SLC4A10: variants seen among roughly 807,000 people sequenced by gnomAD.
The protein encoded by SLC4A10 is solute carrier family 4 member 10.
A neutral mutation model predicts 137.7 loss-of-function variants in SLC4A10; 42 were observed. The observed-to-expected ratio is 0.30, with a 90% CI of 0.24 to 0.39. The LOEUF is 0.39. SLC4A10 is among the 10% of genes least tolerant of loss of function. The pLI is 1.00. For synonymous variants in SLC4A10, 474 were observed against 464.1 expected (o/e 1.02, Z -0.27); for missense variants, 925 against 1,355.0 (o/e 0.68, Z 4.98).
At chr2:161,928,541 G>C (rs1224844339) in intron 15 of SLC4A10, among the ~76,000 whole-genome samples, 2 of 143,390 alleles carry the variant, frequency 1.4e-5, no homozygotes, top group African/African-American at 5.1e-5. Context: ...AATAAAAAAA[G>C]TATAATATAT....
At chr2:161,976,562 T>C (rs1699409165) in intron 24 of SLC4A10, among the ~76,000 whole-genome samples, 198 bp from the exon 25 acceptor site, 1 of 152,242 alleles carries the variant, frequency 6.6e-6, no homozygotes, top group African/African-American at 2.4e-5. Context: ...ATTATGAATG[T>C]ATTTAGTAAC....
intron 1 of SLC4A10, among the ~76,000 whole-genome samples, chr2:161,730,129 G>A (rs2046670889): frequency 6.6e-6 from 1 of 152,180 alleles, no homozygotes; most frequent in East Asian, 1.9e-4. Flanking sequence ...ATTAACAGCT[G>A]ATAATTTAAT....
At chr2:161,901,711 C>G (rs1054135713) in intron 12 of SLC4A10, among the ~76,000 whole-genome samples, 2 of 152,028 alleles carry the variant, frequency 1.3e-5, no homozygotes, top group Non-Finnish European at 2.9e-5. Flanking sequence ...GCAATGTGTC[C>G]TCTAAGCTGA....
chr2:161,734,917 G>A (rs1342812915), intron 1 of SLC4A10, among the ~76,000 whole-genome samples: 1 of 151,984 alleles, frequency 6.6e-6, no homozygotes, highest in African/African-American at 2.4e-5. Flanking sequence ...TCATGATAGT[G>A]AGGGAGTTCT....
intron 1 of SLC4A10, among the ~76,000 whole-genome samples, chr2:161,707,049 G>A (rs546278542): frequency 2.6e-5 from 4 of 151,656 alleles, no homozygotes; most frequent in African/African-American, 9.6e-5. Context: ...GAGAGACGAT[G>A]TAGCTTAGGA....
chr2:161,881,968 C>T (rs141686513), intron 9 of SLC4A10, among the ~76,000 whole-genome samples: 2,235 of 151,900 alleles, frequency 0.015, 26 homozygotes, highest in Non-Finnish European at 0.023. Context: ...TTGAACTATT[C>T]GCCATTTTGC....
intron 15 of SLC4A10, among the ~76,000 whole-genome samples, chr2:161,940,566 A>G (rs1575753070): frequency 6.6e-6 from 1 of 152,294 alleles, no homozygotes; most frequent in Middle Eastern, 3.4e-3. Flanking sequence ...CGCGTCAGAG[A>G]TTTTCCCCAG....
intron 15 of SLC4A10, among the ~76,000 whole-genome samples, chr2:161,939,869 G>C (rs944795105): frequency 6.6e-6 from 1 of 152,012 alleles, no homozygotes; most frequent in Non-Finnish European, 1.5e-5. Context: ...AACTGTGTAA[G>C]TATTATTTAC....
chr2:161,751,536 C>T (rs1306659235), intron 1 of SLC4A10, among the ~76,000 whole-genome samples: 1 of 151,564 alleles, frequency 6.6e-6, no homozygotes, highest in African/African-American at 2.4e-5. Flanking sequence ...CTTTTATTCT[C>T]CCCTTGATTA....
chr2:161,663,723 T>C (rs1251043907), intron 1 of SLC4A10, among the ~76,000 whole-genome samples: 2 of 152,106 alleles, frequency 1.3e-5, no homozygotes, highest in Non-Finnish European at 2.9e-5. Context: ...TGCAGGGTAT[T>C]ACAAACTTGG....
At chr2:161,682,558 T>C (rs1390595964) in intron 1 of SLC4A10, among the ~76,000 whole-genome samples, 2 of 152,160 alleles carry the variant, frequency 1.3e-5, no homozygotes, top group African/African-American at 2.4e-5. Context: ...TATCTATTGC[T>C]GTATGACACA....
At position 161,797,487 on chromosome 2, in the gene SLC4A10, T is replaced by C. The variant is rs115587326; in HGVS notation, c.131-6962T>C. ...TAATGCTTTTAATGTGTATTTTTAATTTGTATTGTTTGCTGCTGTTTTCAT... is the reference window on the plus strand; with the variant it reads ...TAATGCTTTTAATGTGTATTTTTAACTTGTATTGTTTGCTGCTGTTTTCAT... On this transcript the variant is annotated intron_variant, in intron 2 of 26. Transcript: ENST00000446997. Among the ~76,000 whole-genome samples, 862 of 152,158 alleles carry C rather than the reference T, an allele frequency of 5.7e-3. 10 individuals carry two copies. The highest frequency in any genetic ancestry group is 0.02 in the African/African-American group (825 of 41,542).
chr2:161,802,495 A>G (rs901023462), intron 2 of SLC4A10, among the ~76,000 whole-genome samples: 2 of 152,130 alleles, frequency 1.3e-5, no homozygotes, highest in Non-Finnish European at 2.9e-5. Context: ...AAACACTATC[A>G]GCCTAAGTGT....
At chr2:161,791,564 C>T (rs959287145) in intron 2 of SLC4A10, among the ~76,000 whole-genome samples, 4 of 152,082 alleles carry the variant, frequency 2.6e-5, no homozygotes, top group East Asian at 1.9e-4. Context: ...AGCAAACCAC[C>T]GTGGTACACA....
chr2:161,760,083 A>T lies in SLC4A10; in HGVS notation c.49-10890A>T, dbSNP rs2050096289. Among the ~76,000 whole-genome samples, 3 of 151,884 alleles carry T rather than the reference A, an allele frequency of 2.0e-5. No homozygotes were observed. In the South Asian group the frequency reaches 6.2e-4, roughly 31 times the overall value. On this transcript the variant is annotated intron_variant, in intron 1 of 26. Transcript: ENST00000446997. ...TGAATTTTCTTTCACTTTTCTTGTT[A>T]TGATTCCTGAATCTGAGGATTCATG...
At chr2:161,796,981 A>G (rs1017555695) in intron 2 of SLC4A10, among the ~76,000 whole-genome samples, 4 of 152,128 alleles carry the variant, frequency 2.6e-5, no homozygotes, top group Non-Finnish European at 5.9e-5. Flanking sequence ...TCTGTTCAGA[A>G]TTTATAATTT....
At chr2:161,690,258 C>A (rs747707138) in intron 1 of SLC4A10, among the ~76,000 whole-genome samples, 24 of 152,078 alleles carry the variant, frequency 1.6e-4, no homozygotes, top group Admixed American at 1.4e-3. Context: ...CCATCTCATG[C>A]CAGTCAGAAT....
At chr2:161,656,104 G>A (rs1014671152) in intron 1 of SLC4A10, among the ~76,000 whole-genome samples, 1 of 152,020 alleles carries the variant, frequency 6.6e-6, no homozygotes, top group Non-Finnish European at 1.5e-5. Flanking sequence ...GAGCCACCAG[G>A]CCCAGCCAAA....
At chr2:161,882,246 T>G (rs2061851124) in intron 9 of SLC4A10, 111 bp from the exon 10 acceptor site, 1 of 576,254 alleles carries the variant, frequency 1.7e-6, no homozygotes, top group Non-Finnish European at 2.9e-6. Flanking sequence ...ATGGAAGTAT[T>G]TGCCATCACA....
Sources: gnomAD v4.1 joint callset for allele counts (sites outside exome capture counted in the v4.1 genomes callset) on GRCh38, gnomAD v4.1.1 for gene constraint, MANE v1.5 for transcripts, NCBI Gene and HGNC (gene_info 2026-07-23, HGNC 2026-07-21) for gene names.